Variants in GABRR3 observed in about 807,000 individuals in gnomAD.
GABRR3 encodes gamma-aminobutyric acid receptor subunit rho-3.
In GABRR3, 29 loss-of-function variants were observed where a neutral mutation model predicts 43.2. The observed-to-expected ratio is 0.67, with a 90% confidence interval of 0.50 to 0.92. GABRR3 has a LOEUF of 0.92. GABRR3 is among the 40% of genes least tolerant of loss of function. The pLI is 0.00. For synonymous variants in GABRR3, 206 were observed against 195.9 expected (o/e 1.05, Z -0.43); for missense variants, 576 against 572.3 (o/e 1.01, Z -0.07).
At chr3:98,022,960 G>A (rs1176977932) in intron 3 of GABRR3, among the ~76,000 whole-genome samples, 1 of 152,122 alleles carries the variant, frequency 6.6e-6, no homozygotes, top group Admixed American at 6.5e-5. Context: ...ACGGGGGGAG[G>A]ACGAGGTAGG....
chr3:98,005,408 T>C (rs1706712751), intron 7 of GABRR3, among the ~76,000 whole-genome samples: 1 of 152,316 alleles, frequency 6.6e-6, no homozygotes, highest in African/African-American at 2.4e-5. Flanking sequence ...ACAAAGCATG[T>C]ACATTTGAAC....
rs1553720258 is a variant in GABRR3 at position 98,026,612 on chromosome 3, T to TCATCATCAG, written c.126-934_126-933insCTGATGATG. 2.7e-5 allele frequency among the ~76,000 whole-genome samples: 4 copies of TCATCATCAG among 150,506 alleles called. No individual in the cohort carries two copies. In the East Asian group the frequency reaches 7.8e-4, roughly 30 times the overall value. On this transcript the variant is annotated intron_variant, in intron 2 of 9. Transcript: ENST00000621172. ...CAGAAAAAGGTGGCTGTCATCATCA[T>TCATCATCAG]CATCATCATCATCATCATCATCATC...
intron 6 of GABRR3, 95 bp from the exon 7 acceptor site, chr3:98,007,999 T>G: frequency 2.0e-6 from 2 of 984,338 alleles, no homozygotes; most frequent in Non-Finnish European, 1.5e-6. Flanking sequence ...GTATCCTTAG[T>G]GCCTACTCCA....
At chr3:97,986,710 A>G in exon 10 of GABRR3, 1 of 1,563,336 alleles carries the variant, frequency 6.4e-7, no homozygotes, top group East Asian at 2.3e-5. Context: ...AGTAAAACAA[A>G]TTAAATAAAA....
intron 2 of GABRR3, among the ~76,000 whole-genome samples, chr3:98,029,949 T>C (rs1190286611): frequency 3.3e-5 from 5 of 151,812 alleles, no homozygotes; most frequent in Non-Finnish European, 4.4e-5. Context: ...ACCCCATCTC[T>C]ACTAAAAATA....
chr3:98,016,231 C>T (rs548349221), intron 4 of GABRR3, among the ~76,000 whole-genome samples: 9 of 152,262 alleles, frequency 5.9e-5, no homozygotes, highest in South Asian at 2.1e-4. Flanking sequence ...GTATTTAGGT[C>T]TTGACGGCAG....
intron 7 of GABRR3, among the ~76,000 whole-genome samples, chr3:98,005,212 C>CACACAT (rs1706710759): frequency 2.1e-5 from 2 of 94,560 alleles, no homozygotes; most frequent in Non-Finnish European, 4.4e-5. Context: ...AGGCTTTTAA[C>CACACAT]ACACACACAC....
chr3:98,024,062 A>G (rs1576049776), intron 3 of GABRR3, among the ~76,000 whole-genome samples: 1 of 152,338 alleles, frequency 6.6e-6, no homozygotes, highest in East Asian at 1.9e-4. Context: ...AATCAAGGTT[A>G]GACCCTTAGA....
At chr3:98,020,397 C>A (rs536706062) in intron 3 of GABRR3, among the ~76,000 whole-genome samples, 5 of 140,646 alleles carry the variant, frequency 3.6e-5, no homozygotes, top group East Asian at 2.1e-4. Flanking sequence ...AAACCTGCCC[C>A]TTAGGAATGT....
Position 98,008,815 on chromosome 3 carries a change from AAAAG to A in GABRR3, c.613+137_613+140del, listed in dbSNP as rs1706754278. Reference sequence around the variant, plus strand: ...ACAGAAACCAAAAAAAAAAAAAAAAAAAAGAAGCCACAATTGTTTCAGTTTTGGA... The same window carrying A: ...ACAGAAACCAAAAAAAAAAAAAAAAAAAGCCACAATTGTTTCAGTTTTGGA... On this transcript the variant is annotated intron_variant, in intron 6 of 9. Transcript: ENST00000621172. 33 of 398,678 alleles carry A rather than the reference AAAAG, an allele frequency of 8.3e-5. No homozygotes were observed. The South Asian group carries it at 8.3e-4, about 10-fold the overall frequency. 24.7% of individuals were successfully genotyped at this position (398,678 alleles called of 1,614,324 possible).
intron 3 of GABRR3, among the ~76,000 whole-genome samples, chr3:98,018,420 C>T (rs1278966855): frequency 1.3e-5 from 2 of 152,130 alleles, no homozygotes; most frequent in African/African-American, 4.8e-5. Flanking sequence ...AGAATTGGAG[C>T]AATTTCAGAC....
intron 4 of GABRR3, among the ~76,000 whole-genome samples, chr3:98,016,582 A>T (rs1252573605): frequency 6.6e-6 from 1 of 152,186 alleles, no homozygotes; most frequent in Non-Finnish European, 1.5e-5. Context: ...AGACTAAGAC[A>T]ACAAGGAAAC....
intron 2 of GABRR3, among the ~76,000 whole-genome samples, chr3:98,027,922 CA>C (rs1393776819): frequency 1.3e-5 from 2 of 151,972 alleles, no homozygotes; most frequent in African/African-American, 4.8e-5. Context: ...TTTTAAAAAT[CA>C]GAAATTTTAT....
At chr3:98,001,652 C>A in exon 8 of GABRR3, 1 of 1,613,206 alleles carries the variant, frequency 6.2e-7, no homozygotes, top group Non-Finnish European at 8.5e-7. Flanking sequence ...TTCGGTCAAT[C>A]CAAAATGAAA....
chr3:97,987,963 C>T lies in GABRR3; in HGVS notation c.1105-981G>A, dbSNP rs546774950. Among the ~76,000 whole-genome samples, 189 of 151,628 alleles carry T rather than the reference C, an allele frequency of 1.2e-3. 2 individuals are homozygous for T. Among genetic ancestry groups the T allele is most frequent in the African/African-American group, 4.4e-3 (182 of 41,338 alleles). ...AGGCTAATTTTTTTTTTCACTCATT[C>T]TCTTTTATTTAACTTTAAGCAGGGC... is the stretch of plus-strand genomic sequence containing the variant. On this transcript the variant is annotated intron_variant, in intron 9 of 9. Coordinates refer to ENST00000621172, the Ensembl canonical transcript of GABRR3.
intron 4 of GABRR3, among the ~76,000 whole-genome samples, chr3:98,016,581 C>G (rs1284584298): frequency 1.3e-5 from 2 of 152,040 alleles, no homozygotes; most frequent in Non-Finnish European, 2.9e-5. Context: ...CAGACTAAGA[C>G]AACAAGGAAA....
chr3:97,992,971 C>A (rs1048410429), exon 9 of GABRR3: 2 of 1,613,598 alleles, frequency 1.2e-6, no homozygotes, highest in Admixed American at 1.7e-5. Context: ...ACATCCACAG[C>A]CTTGAGGTAG....
chr3:97,991,681 C>T (rs1325897155), intron 9 of GABRR3, among the ~76,000 whole-genome samples: 1 of 152,194 alleles, frequency 6.6e-6, no homozygotes, highest in Non-Finnish European at 1.5e-5. Flanking sequence ...TAGAACTCTG[C>T]TTCTTCGTTT....
At chr3:98,008,773 A>G (rs1157297164) in intron 6 of GABRR3, among the ~76,000 whole-genome samples, 183 bp downstream of exon 6, 1 of 145,434 alleles carries the variant, frequency 6.9e-6, no homozygotes, top group East Asian at 2.1e-4. Context: ...ACAAACTGCC[A>G]TCAACCTTCA....
Sources: gnomAD v4.1 joint callset for allele counts (sites outside exome capture counted in the v4.1 genomes callset) on GRCh38, gnomAD v4.1.1 for gene constraint, MANE v1.5 for transcripts, NCBI Gene and HGNC (gene_info 2026-07-23, HGNC 2026-07-21) for gene names.